PLAG1: variants seen among roughly 807,000 people sequenced by gnomAD.
PLAG1 encodes zinc finger protein PLAG1.
In PLAG1, 7 loss-of-function variants were observed where a neutral mutation model predicts 35.5. The ratio of observed to expected loss-of-function variants is 0.20; its 90% CI spans 0.11 to 0.37. PLAG1 has a LOEUF of 0.37. Ranked by LOEUF, PLAG1 falls within the 10% of genes least tolerant of loss-of-function variation. PLAG1 has a pLI of 1.00. For missense variants in PLAG1, 454 were observed against 602.8 expected (o/e 0.75, Z 2.58); for synonymous variants, 229 against 225.4 (o/e 1.02, Z -0.14).
At chr8:56,187,382 A>G (rs1316739981) in intron 1 of PLAG1, among the ~76,000 whole-genome samples, 2 of 152,240 alleles carry the variant, frequency 1.3e-5, no homozygotes, top group South Asian at 2.1e-4. Flanking sequence ...GGGGAATAGC[A>G]GCAGAGAGAC....
chr8:56,175,310 T>C (rs1811652027), intron 2 of PLAG1, among the ~76,000 whole-genome samples: 1 of 152,206 alleles, frequency 6.6e-6, no homozygotes, highest in Non-Finnish European at 1.5e-5. Context: ...AAAACACGCC[T>C]GATGCCTGCA....
intron 2 of PLAG1, among the ~76,000 whole-genome samples, chr8:56,177,477 G>C (rs1006194331): frequency 6.6e-6 from 1 of 152,058 alleles, no homozygotes; most frequent in African/African-American, 2.4e-5. Context: ...TATATTCCTT[G>C]ACCAATTCTA....
At chr8:56,181,406 T>C (rs573488263) in intron 1 of PLAG1, among the ~76,000 whole-genome samples, 4 of 152,348 alleles carry the variant, frequency 2.6e-5, no homozygotes, top group South Asian at 2.1e-4. Context: ...GATGAGTTCA[T>C]GTCCTTTGCA....
intron 2 of PLAG1, among the ~76,000 whole-genome samples, chr8:56,176,299 C>T (rs573224682): frequency 2.0e-5 from 3 of 150,694 alleles, no homozygotes; most frequent in East Asian, 2.0e-4. Flanking sequence ...GTGATCCACC[C>T]GTCTTGGCCT....
rs1212673008 is a variant in PLAG1 at position 56,166,709 on chromosome 8, G to C, written c.1037C>G (p.Pro346Arg). The C allele has an allele frequency of 6.2e-7, 1 of 1,613,996 alleles. No individual in the cohort carries two copies. The highest frequency in any genetic ancestry group is 1.1e-5 in the South Asian group (1 of 91,072). ...FSSTSYAISI[P>R]EKEQPLKGEI... ...CCCCTTTAATGGCTGTTCTTTTTCA[G>C]GAATAGAAATTGCATATGAGGTAGA... Residue 346 changes from proline to arginine, a missense_variant, in exon 5 of 5, where the codon CCT (proline) becomes CGT (arginine). By Grantham distance (103) the Pro-to-Arg change is moderately radical. Transcript: ENST00000316981.
chr8:56,194,382 T>C (rs1812290502), intron 1 of PLAG1, among the ~76,000 whole-genome samples: 1 of 149,070 alleles, frequency 6.7e-6, no homozygotes, highest in South Asian at 2.1e-4. Flanking sequence ...CTATTCAGCA[T>C]ATGATGACTA....
intron 1 of PLAG1, among the ~76,000 whole-genome samples, chr8:56,189,084 A>G (rs1290976152): frequency 1.3e-5 from 2 of 152,224 alleles, no homozygotes; most frequent in South Asian, 2.1e-4. Flanking sequence ...TACCTAGAAC[A>G]GTGGATGCAC....
chr8:56,165,569 T>C lies in PLAG1; in HGVS notation c.*674A>G, dbSNP rs149893654. 0.011 allele frequency: 2,316 copies of C among 205,816 alleles called. 44 individuals carry two copies. The highest frequency in any genetic ancestry group is 0.047 in the African/African-American group (2,049 of 43,906). 12.7% of individuals were successfully genotyped at this position (205,816 alleles called of 1,614,324 possible). On this transcript the variant is annotated 3_prime_UTR_variant, in exon 5 of 5. Coordinates refer to ENST00000316981, the MANE Select transcript of PLAG1 (RefSeq NM_002655.3). ...AACTATTAAGTGACACGAAATGCCA[T>C]GTCACCTAACAGAGTCTCTTTTTGC...
At chr8:56,186,651 G>A (rs1181281365) in intron 1 of PLAG1, among the ~76,000 whole-genome samples, 1 of 151,086 alleles carries the variant, frequency 6.6e-6, no homozygotes, top group Non-Finnish European at 1.5e-5. Flanking sequence ...GGGATTATAG[G>A]CGTGAGCCAC....
At chr8:56,200,246 G>A (rs1005367975) in intron 1 of PLAG1, among the ~76,000 whole-genome samples, 10 of 152,210 alleles carry the variant, frequency 6.6e-5, no homozygotes, top group African/African-American at 1.7e-4. Context: ...TGTCCATTTC[G>A]TTAATGTCTC....
At chr8:56,171,428 G>T (rs1811520279) in intron 2 of PLAG1, 1 of 152,170 alleles carries the variant, frequency 6.6e-6, no homozygotes, top group South Asian at 2.1e-4. Flanking sequence ...TTGTGATGCT[G>T]AATGACTCCC....
At chr8:56,175,908 A>C (rs1336803626) in intron 2 of PLAG1, among the ~76,000 whole-genome samples, 1 of 152,198 alleles carries the variant, frequency 6.6e-6, no homozygotes, top group African/African-American at 2.4e-5. Context: ...TGAACAGATA[A>C]CCCAATGAAG....
chr8:56,196,240 T>C (rs1356325169), intron 1 of PLAG1, among the ~76,000 whole-genome samples: 2 of 152,108 alleles, frequency 1.3e-5, no homozygotes, highest in South Asian at 2.1e-4. Flanking sequence ...GGGTAAGGGA[T>C]AGAAGAAACA....
chr8:56,181,244 TC>T (rs777401053), intron 1 of PLAG1, among the ~76,000 whole-genome samples: 13 of 152,152 alleles, frequency 8.5e-5, no homozygotes, highest in Non-Finnish European at 1.8e-4. Flanking sequence ...TATAAATCAT[TC>T]TACTATAAAG....
intron 1 of PLAG1, among the ~76,000 whole-genome samples, chr8:56,188,063 C>T (rs757392469): frequency 3.3e-5 from 5 of 152,122 alleles, no homozygotes; most frequent in Non-Finnish European, 5.9e-5. Context: ...AGCTAAAAAT[C>T]AGAGAAAATA....
intron 1 of PLAG1, among the ~76,000 whole-genome samples, chr8:56,205,469 C>A (rs1387486223): frequency 6.6e-6 from 1 of 151,732 alleles, no homozygotes; most frequent in Non-Finnish European, 1.5e-5. Flanking sequence ...ATGAAACCAG[C>A]AATTGGTATT....
At position 56,196,987 on chromosome 8, in the gene PLAG1, T is replaced by TGTGTGTGCGC. The variant is rs1227336889; in HGVS notation, c.-322+14133_-322+14134insGCGCACACAC. Among the ~76,000 whole-genome samples, 381 of 149,538 alleles carry TGTGTGTGCGC rather than the reference T, an allele frequency of 2.5e-3. 3 individuals are homozygous for TGTGTGTGCGC. Among genetic ancestry groups the TGTGTGTGCGC allele is most frequent in the African/African-American group, 8.2e-3 (336 of 40,854 alleles). On this transcript the variant is annotated intron_variant, in intron 1 of 4. Coordinates refer to ENST00000316981, the MANE Select transcript of PLAG1 (RefSeq NM_002655.3). ...GTGTGTGTGTGTGTGTGTGTGTGTG[T>TGTGTGTGCGC]GCTCCTCTCTCCCCTCCAGGGCTGT...
intron 1 of PLAG1, among the ~76,000 whole-genome samples, chr8:56,198,135 C>T (rs976666048): frequency 6.6e-6 from 1 of 152,230 alleles, no homozygotes; most frequent in African/African-American, 2.4e-5. Flanking sequence ...AACCTCTGGA[C>T]TGCCCCTGAA....
intron 1 of PLAG1, among the ~76,000 whole-genome samples, chr8:56,195,647 A>G (rs899970342): frequency 6.6e-6 from 1 of 152,150 alleles, no homozygotes; most frequent in African/African-American, 2.4e-5. Context: ...AGGAGGCCCA[A>G]AGTTCATAGC....
Sources: allele counts gnomAD v4.1 joint callset (sites outside exome capture counted in the v4.1 genomes callset), GRCh38; gene constraint gnomAD v4.1.1; transcripts MANE v1.5; gene names NCBI Gene and HGNC (gene_info 2026-07-23, HGNC 2026-07-21).